Variants in PIK3AP1 observed in about 807,000 individuals in gnomAD.
PIK3AP1 encodes phosphoinositide-3-kinase adaptor protein 1, also known as phosphoinositide 3-kinase adapter protein 1.
In PIK3AP1, 21 loss-of-function variants were observed where a neutral mutation model predicts 88.1. The observed-to-expected ratio is 0.24, with a 90% CI of 0.17 to 0.34. The LOEUF is 0.34. Ranked by LOEUF, PIK3AP1 falls within the 10% of genes least tolerant of loss-of-function variation. PIK3AP1 has a pLI of 1.00. For synonymous variants in PIK3AP1, 398 were observed against 400.0 expected, an observed-to-expected ratio of 1.00 and a Z score of 0.06; for missense variants, 828 against 1,035.7, an observed-to-expected ratio of 0.80 and a Z score of 2.75.
chr10:96,646,234 T>C (rs1266383441), intron 7 of PIK3AP1, among the ~76,000 whole-genome samples: 1 of 151,342 alleles, frequency 6.6e-6, no homozygotes, highest in Non-Finnish European at 1.5e-5. Context: ...CACTACAGCC[T>C]GGGCAACAGA....
At chr10:96,610,838 A>C (rs1471178272) in intron 13 of PIK3AP1, among the ~76,000 whole-genome samples, 1 of 152,184 alleles carries the variant, frequency 6.6e-6, no homozygotes, top group South Asian at 2.1e-4. Context: ...TGAAGGCAAG[A>C]TGTGCTCCTG....
At chr10:96,684,643 C>A (rs1022802285) in intron 2 of PIK3AP1, among the ~76,000 whole-genome samples, 1 of 152,164 alleles carries the variant, frequency 6.6e-6, no homozygotes, top group African/African-American at 2.4e-5. Context: ...GACCAATGAA[C>A]CTGTGCTGGC....
At chr10:96,714,466 C>T (rs1844477589) in intron 1 of PIK3AP1, among the ~76,000 whole-genome samples, 1 of 152,086 alleles carries the variant, frequency 6.6e-6, no homozygotes, top group South Asian at 2.1e-4. Context: ...TAAGTTGCAC[C>T]CAATTTAAAA....
intron 6 of PIK3AP1, among the ~76,000 whole-genome samples, chr10:96,649,485 T>C (rs918768947): frequency 2.0e-5 from 3 of 152,230 alleles, no homozygotes; most frequent in Non-Finnish European, 4.4e-5. Context: ...CACAGTACAA[T>C]AGGAATCATG....
At chr10:96,665,410 T>C (rs1843747318) in intron 2 of PIK3AP1, among the ~76,000 whole-genome samples, 1 of 152,230 alleles carries the variant, frequency 6.6e-6, no homozygotes, top group Non-Finnish European at 1.5e-5. Flanking sequence ...ATTTGGTTCT[T>C]AGCCTCTTTC....
chr10:96,687,235 A>C (rs1360742285), intron 2 of PIK3AP1, among the ~76,000 whole-genome samples: 1 of 139,896 alleles, frequency 7.1e-6, no homozygotes, highest in Non-Finnish European at 1.5e-5. Context: ...CGGCCTGGGC[A>C]AAAGAGCGAT....
chr10:96,669,045 T>C (rs902665216), intron 2 of PIK3AP1, among the ~76,000 whole-genome samples: 4 of 152,152 alleles, frequency 2.6e-5, no homozygotes, highest in African/African-American at 9.7e-5. Flanking sequence ...GACAGGAGAA[T>C]TGCTTGAACT....
intron 3 of PIK3AP1, 104 bp from the exon 4 acceptor site, chr10:96,652,946 G>A: frequency 1.5e-6 from 2 of 1,321,986 alleles, no homozygotes; most frequent in Non-Finnish European, 2.1e-6. Context: ...TACCTAGTGA[G>A]AATCTCTGGG....
intron 6 of PIK3AP1, among the ~76,000 whole-genome samples, chr10:96,650,864 C>T (rs375357074): frequency 3.3e-5 from 5 of 152,138 alleles, no homozygotes; most frequent in African/African-American, 1.2e-4. Context: ...GGCTTGTTCA[C>T]AGGTTAAGCA....
chr10:96,604,179 C>G, intron 14 of PIK3AP1, 130 bp from the exon 15 acceptor site: 1 of 730,562 alleles, frequency 1.4e-6, no homozygotes, highest in Non-Finnish European at 2.1e-6. Context: ...GTTCTTCAAA[C>G]TTTGGCCATC....
At chr10:96,650,251 C>T (rs1208357027) in intron 6 of PIK3AP1, among the ~76,000 whole-genome samples, 1 of 152,178 alleles carries the variant, frequency 6.6e-6, no homozygotes, top group Non-Finnish European at 1.5e-5. Flanking sequence ...TAAACTCACC[C>T]TTATGGTTCT....
In PIK3AP1 at chr10:96,694,306, G is replaced by A. The variant is rs151206832; in HGVS notation, c.430+15261C>T. 3.3e-5 allele frequency among the ~76,000 whole-genome samples: 5 copies of A among 152,206 alleles called. No individual in the cohort carries two copies. The East Asian group carries it at 9.6e-4, about 29-fold the overall frequency. On this transcript the variant is annotated intron_variant, in intron 2 of 16. Transcript: ENST00000339364. Reference sequence around the variant, plus strand: ...GGATCTTGCACAGTGCTGCACCCATGGCAGACACTCCATAAACTCAATAAA... The same window carrying A: ...GGATCTTGCACAGTGCTGCACCCATAGCAGACACTCCATAAACTCAATAAA...
intron 7 of PIK3AP1, among the ~76,000 whole-genome samples, chr10:96,648,425 G>C (rs971689716): frequency 1.4e-4 from 21 of 152,314 alleles, no homozygotes; most frequent in African/African-American, 4.3e-4. Context: ...GAAACTGAGA[G>C]AGGATACGTG....
At chr10:96,692,290 T>C (rs772167440) in intron 2 of PIK3AP1, among the ~76,000 whole-genome samples, 5 of 152,216 alleles carry the variant, frequency 3.3e-5, no homozygotes, top group Non-Finnish European at 5.9e-5. Flanking sequence ...AAATGTTATA[T>C]TGTGGCTGGG....
intron 1 of PIK3AP1, among the ~76,000 whole-genome samples, chr10:96,716,741 T>C (rs1009326926): frequency 8.5e-5 from 13 of 152,196 alleles, no homozygotes; most frequent in Admixed American, 1.3e-4. Context: ...TTTTTTTTGC[T>C]TGTTCATTTA....
intron 2 of PIK3AP1, among the ~76,000 whole-genome samples, chr10:96,657,774 A>G (rs1338453716): frequency 1.3e-5 from 2 of 152,168 alleles, no homozygotes; most frequent in South Asian, 4.1e-4. Context: ...AAAATGGTTA[A>G]GAATGGTTGA....
At chr10:96,619,569 C>T (rs1010727654) in intron 12 of PIK3AP1, 3 of 152,204 alleles carry the variant, frequency 2.0e-5, no homozygotes, top group African/African-American at 7.2e-5. Context: ...AGCCCCATTT[C>T]CTCCTTTTTA....
Position 96,709,769 on chromosome 10 carries a change from C to T in PIK3AP1, c.228G>A (p.Val76=). 1.2e-6 allele frequency: 2 copies of T among 1,613,792 alleles called. No homozygotes were observed. Among genetic ancestry groups the T allele is most frequent in the South Asian group, 1.1e-5 (1 of 91,006 alleles). Residue 76 remains valine, a synonymous_variant, in exon 2 of 17, where the codon GTG becomes GTA. Coordinates refer to ENST00000339364, the MANE Select transcript of PIK3AP1 (RefSeq NM_152309.3). ...GCAAGGCGGGCTTGTGGAAGTGCTG[C>T]ACCAGCTCCGCGGACAGCAGCACCA... ...CVVVLLSAEL[V]QHFHKPALLP...
intron 8 of PIK3AP1, among the ~76,000 whole-genome samples, chr10:96,631,546 C>G (rs950099642): frequency 4.6e-5 from 7 of 152,188 alleles, no homozygotes; most frequent in Non-Finnish European, 2.9e-5. Context: ...ACTATAACCC[C>G]TTTCCTAATG....
Sources: gnomAD v4.1 joint callset for allele counts (sites outside exome capture counted in the v4.1 genomes callset) on GRCh38, gnomAD v4.1.1 for gene constraint, MANE v1.5 for transcripts, NCBI Gene and HGNC (gene_info 2026-07-23, HGNC 2026-07-21) for gene names.